C12orf42: variants seen among roughly 807,000 people sequenced by gnomAD.
C12orf42 encodes the protein chromosome 12 open reading frame 42.
C12orf42 carries 25 observed loss-of-function variants against 21.6 expected under a neutral mutation model. That is an observed-to-expected ratio of 1.16 (90% CI 0.84 to 1.62). The LOEUF (loss-of-function observed/expected upper bound fraction) is 1.62. C12orf42 is among the 40% of genes most tolerant of loss of function. The probability of loss-of-function intolerance (pLI) is 0.00; values close to 1 mark genes in which losing one functional copy is unlikely to be tolerated. For missense variants in C12orf42, 483 were observed against 459.3 expected (o/e 1.05, Z -0.47); for synonymous variants, 174 against 175.0 (o/e 0.99, Z 0.05).
chr12:103,350,574 G>C (rs2043022654), intron 4 of C12orf42, among the ~76,000 whole-genome samples: 1 of 152,060 alleles, frequency 6.6e-6, no homozygotes, highest in Admixed American at 6.6e-5. Flanking sequence ...TCTATGTATA[G>C]GAGAAAACAT....
At chr12:103,464,942 A>G (rs1953002364) in intron 2 of C12orf42, among the ~76,000 whole-genome samples, 1 of 152,320 alleles carries the variant, frequency 6.6e-6, no homozygotes, top group East Asian at 1.9e-4. Context: ...TTTTTGTGCC[A>G]GTACCATGCT....
At chr12:103,246,186 T>TA (rs1424522910) in intron 10 of C12orf42, among the ~76,000 whole-genome samples, 3 of 152,078 alleles carry the variant, frequency 2.0e-5, no homozygotes, top group African/African-American at 7.2e-5. Flanking sequence ...ACCAATATTT[T>TA]AAAATTCAAA....
At chr12:103,541,875 T>C in the C12orf42 span, among the ~76,000 whole-genome samples, 1 of 152,170 alleles carries the variant, frequency 6.6e-6, no homozygotes, top group Non-Finnish European at 1.5e-5. Flanking sequence ...GATGAAGAAC[T>C]ATGAAGGTGG....
At chr12:103,416,932 G>C (rs1002827988) in intron 2 of C12orf42, among the ~76,000 whole-genome samples, 15 of 152,106 alleles carry the variant, frequency 9.9e-5, no homozygotes, top group African/African-American at 3.6e-4. Flanking sequence ...AGAATGGATT[G>C]ATGTAATTTT....
chr12:103,302,544 G>A lies in C12orf42; in HGVS notation c.647C>T (p.Pro216Leu). The change falls in exon 6 of 6, where the codon CCT (proline) becomes CTT (leucine). Residue 216 changes from proline to leucine, a missense_variant. Transcript: ENST00000548883. The stretch of plus-strand genomic sequence containing the variant: ...CCTGCAGAGGCCGATGGCAGTGGAA[G>A]GTCTGGCGGCAGAACCTGGAAGGCA... ...PKKNSGSAAR[P>L]STAIGLCRRS... The A allele has an allele frequency of 6.2e-7, 1 of 1,607,702 alleles. No homozygotes were observed. Among genetic ancestry groups the A allele is most frequent in the Non-Finnish European group, 8.5e-7 (1 of 1,177,134 alleles).
At chr12:103,254,733 G>A (rs928277391) in intron 10 of C12orf42, among the ~76,000 whole-genome samples, 1 of 152,166 alleles carries the variant, frequency 6.6e-6, no homozygotes, top group African/African-American at 2.4e-5. Context: ...GACACAGGAA[G>A]GGGAACAACA....
At chr12:103,286,253 AAAATAAAT>A (rs200130397) in intron 4 of C12orf42, among the ~76,000 whole-genome samples, 9,005 of 145,952 alleles carry the variant, frequency 0.062, 369 homozygotes, top group African/African-American at 0.11. Context: ...TCCATCTCAA[AAAATAAAT>A]AAATAAATAA....
chr12:103,558,096 A>C, the C12orf42 span: 2 of 152,126 alleles, frequency 1.3e-5, no homozygotes, highest in Non-Finnish European at 2.9e-5. Flanking sequence ...CTCCATTTCC[A>C]CTGCCAGCCC....
At chr12:103,525,119 G>A in the C12orf42 span, among the ~76,000 whole-genome samples, 11 of 152,152 alleles carry the variant, frequency 7.2e-5, no homozygotes, top group Non-Finnish European at 1.3e-4. Context: ...CTGGGCTCAC[G>A]TGATCCCCCT....
the C12orf42 span, among the ~76,000 whole-genome samples, chr12:103,066,226 A>T: frequency 6.6e-6 from 1 of 152,180 alleles, no homozygotes; most frequent in Non-Finnish European, 1.5e-5. Flanking sequence ...CCTATCATAA[A>T]CTGGGTGCTT....
At chr12:103,227,202 G>A in the C12orf42 span, among the ~76,000 whole-genome samples, 3 of 152,074 alleles carry the variant, frequency 2.0e-5, no homozygotes, top group Non-Finnish European at 4.4e-5. Context: ...GAGAAATGGA[G>A]GGAAGGGGTT....
At chr12:103,161,063 C>T in the C12orf42 span, among the ~76,000 whole-genome samples, 1 of 152,174 alleles carries the variant, frequency 6.6e-6, no homozygotes, top group Non-Finnish European at 1.5e-5. Flanking sequence ...TATTATTTGT[C>T]CCACTCCACT....
chr12:103,272,155 C>G (rs2035511304), intron 5 of C12orf42, among the ~76,000 whole-genome samples: 2 of 152,120 alleles, frequency 1.3e-5, no homozygotes, highest in Non-Finnish European at 2.9e-5. Context: ...GAAGCATTAC[C>G]TTAGACAGTG....
In C12orf42 at chr12:103,458,001, C is replaced by G. The variant is rs138474440; in HGVS notation, c.78+20348G>C. On this transcript the variant is annotated intron_variant, in intron 2 of 5. Transcript: ENST00000548883. The stretch of plus-strand genomic sequence containing the variant: ...CTCTGTTGCCTGTCCTCCAACTGCA[C>G]TTCAGATAAAATTAAAACTACACAA... 5.5e-3 allele frequency among the ~76,000 whole-genome samples: 842 copies of G among 152,234 alleles called. 1 individual carries two copies. The highest frequency in any genetic ancestry group is 8.7e-3 in the Non-Finnish European group (592 of 68,012).
the C12orf42 span, among the ~76,000 whole-genome samples, chr12:103,191,249 G>C: frequency 4.6e-5 from 7 of 151,956 alleles, no homozygotes; most frequent in Non-Finnish European, 7.4e-5. Context: ...CTTTACAAAA[G>C]AAGTGTCAAA....
chr12:103,275,002 G>GA (rs57962522), intron 5 of C12orf42, among the ~76,000 whole-genome samples: 6 of 150,918 alleles, frequency 4.0e-5, no homozygotes, highest in Middle Eastern at 3.2e-3. Flanking sequence ...GACCTTTGGA[G>GA]AAAAAAAAAT....
At chr12:103,229,818 A>G in the C12orf42 span, among the ~76,000 whole-genome samples, 3 of 152,232 alleles carry the variant, frequency 2.0e-5, no homozygotes, top group African/African-American at 7.2e-5. Context: ...ATGCTAATGC[A>G]TATAGCTACA....
intron 4 of C12orf42, among the ~76,000 whole-genome samples, chr12:103,359,287 T>C (rs1423719404): frequency 6.6e-6 from 1 of 152,124 alleles, no homozygotes; most frequent in East Asian, 1.9e-4. Flanking sequence ...AAATTCACTC[T>C]TTTTAATTCC....
the C12orf42 span, among the ~76,000 whole-genome samples, chr12:103,167,338 G>A: frequency 6.6e-6 from 1 of 152,148 alleles, no homozygotes; most frequent in Admixed American, 6.5e-5. Flanking sequence ...TCCTAAGCCT[G>A]AACTATAGGG....
Sources: gnomAD v4.1 joint callset for allele counts (sites outside exome capture counted in the v4.1 genomes callset) on GRCh38, gnomAD v4.1.1 for gene constraint, MANE v1.5 for transcripts, NCBI Gene and HGNC (gene_info 2026-07-23, HGNC 2026-07-21) for gene names.